Variants in SPATA18 observed in about 807,000 individuals in gnomAD.
SPATA18 encodes spermatogenesis associated 18.
Under a neutral mutation model 68.1 loss-of-function variants are expected in SPATA18, and 54 were observed. That is an observed-to-expected ratio of 0.79 (90% CI 0.64 to 0.99). The LOEUF (loss-of-function observed/expected upper bound fraction) is 0.99, where lower values mean the gene tolerates loss of function less well. SPATA18 is among the 50% of genes least tolerant of loss of function. The pLI is 0.00. For missense variants in SPATA18, 724 were observed against 681.1 expected (o/e 1.06, Z -0.70); for synonymous variants, 242 against 244.8 (o/e 0.99, Z 0.11).
In SPATA18 at chr4:52,078,850, T is replaced by C. The variant is rs201466029; in HGVS notation, c.1136T>C (p.Val379Ala). ...NDFENAVLDY[V>A]ICHLDLYDSQ... ...TTTGAGAATGCTGTCTTGGATTATG[T>C]CATTTGTCATCTTGATCTATATGAT... Residue 379 changes from valine (V) to alanine (A), a missense_variant, in exon 8 of 13, where the codon GTC (valine) becomes GCC (alanine). Coordinates refer to ENST00000295213, the MANE Select transcript of SPATA18 (RefSeq NM_145263.4). 7 of 1,605,794 alleles carry C rather than the reference T, an allele frequency of 4.4e-6. No homozygotes were observed. The highest frequency in any genetic ancestry group is 5.1e-6 in the Non-Finnish European group (6 of 1,173,186).
At chr4:52,062,532 T>G (rs1179270991) in intron 4 of SPATA18, among the ~76,000 whole-genome samples, 200 bp downstream of exon 4, 1 of 151,962 alleles carries the variant, frequency 6.6e-6, no homozygotes, top group Non-Finnish European at 1.5e-5. Context: ...CAGTGGTCAG[T>G]GTCTGTGGAT....
At chr4:52,068,333 C>A (rs1243749945) in intron 4 of SPATA18, among the ~76,000 whole-genome samples, 1 of 152,068 alleles carries the variant, frequency 6.6e-6, no homozygotes, top group Non-Finnish European at 1.5e-5. Context: ...TCATTCATTT[C>A]TCATTTAAAA....
intron 5 of SPATA18, among the ~76,000 whole-genome samples, chr4:52,070,873 G>C (rs923062910): frequency 7.7e-6 from 1 of 130,546 alleles, no homozygotes; most frequent in Non-Finnish European, 1.6e-5. Flanking sequence ...CCTCCCAAAA[G>C]AGTAAGTGGG....
chr4:52,089,126 A>T (rs1741714668), intron 11 of SPATA18, among the ~76,000 whole-genome samples: 1 of 151,742 alleles, frequency 6.6e-6, no homozygotes, highest in Admixed American at 6.6e-5. Flanking sequence ...ATCAGTGATG[A>T]TACCCCTCTT....
At chr4:52,087,348 A>G (rs760053525) in intron 11 of SPATA18, among the ~76,000 whole-genome samples, 1 of 152,120 alleles carries the variant, frequency 6.6e-6, no homozygotes, top group Non-Finnish European at 1.5e-5. Context: ...GCCCATGCCT[A>G]TGTCCTGAAT....
intron 7 of SPATA18, among the ~76,000 whole-genome samples, chr4:52,077,560 T>C (rs1359112763): frequency 6.6e-6 from 1 of 152,114 alleles, no homozygotes; most frequent in Non-Finnish European, 1.5e-5. Context: ...GGCATTTGTT[T>C]AAGAAGTATC....
chr4:52,068,870 AT>A (rs200279551), intron 4 of SPATA18, among the ~76,000 whole-genome samples: 1 of 147,802 alleles, frequency 6.8e-6, no homozygotes, highest in Non-Finnish European at 1.5e-5. Context: ...TCTCACTTCC[AT>A]TTTTTTTTTG....
At chr4:52,064,108 C>T (rs529419855) in intron 4 of SPATA18, among the ~76,000 whole-genome samples, 1 of 151,866 alleles carries the variant, frequency 6.6e-6, no homozygotes, top group Admixed American at 6.6e-5. Context: ...GCTAGAATAG[C>T]GCTAAACATT....
intron 9 of SPATA18, among the ~76,000 whole-genome samples, chr4:52,081,291 T>C (rs981514369): frequency 5.3e-5 from 8 of 152,346 alleles, no homozygotes; most frequent in African/African-American, 1.9e-4. Flanking sequence ...TGCCTGGACA[T>C]CTGTGCAGCT....
At chr4:52,085,090 A>G in intron 11 of SPATA18, 91 bp downstream of exon 11, 1 of 1,003,102 alleles carries the variant, frequency 1.0e-6, no homozygotes, top group Non-Finnish European at 1.5e-6. Context: ...AGGTGATTAT[A>G]AGTCTACAGG....
intron 9 of SPATA18, among the ~76,000 whole-genome samples, chr4:52,080,479 C>T (rs17657806): frequency 0.18 from 26,619 of 151,984 alleles, 2,639 homozygotes; most frequent in East Asian, 0.4. Context: ...TAAATATTCC[C>T]CTTATAAATT....
Position 52,051,499 on chromosome 4 carries a change from C to G in SPATA18, c.-206C>G. 1 of 555,354 alleles carries G rather than the reference C, an allele frequency of 1.8e-6. No homozygotes were observed. Among genetic ancestry groups the G allele is most frequent in the Non-Finnish European group, 3.2e-6 (1 of 312,436 alleles). 34.4% of individuals were successfully genotyped at this position (555,354 alleles called of 1,614,324 possible). A position where few individuals can be genotyped will look rare whatever the true frequency, so the allele number is the denominator to read the frequency against. On this transcript the variant is annotated 5_prime_UTR_variant, in exon 1 of 13. Coordinates refer to ENST00000295213, the MANE Select transcript of SPATA18 (RefSeq NM_145263.4). ...GCGCGGGACGGCGGATGAGGCGCGG[C>G]GGCTGCGGCCCAGGGCACCTCCCCT...
chr4:52,071,693 T>G (rs1295718659), intron 5 of SPATA18, among the ~76,000 whole-genome samples: 1 of 152,152 alleles, frequency 6.6e-6, no homozygotes, highest in East Asian at 1.9e-4. Context: ...CTTTTCCCCA[T>G]GCAAGCTGCA....
chr4:52,087,309 G>A (rs1431380986), intron 11 of SPATA18, among the ~76,000 whole-genome samples: 1 of 152,090 alleles, frequency 6.6e-6, no homozygotes, highest in African/African-American at 2.4e-5. Flanking sequence ...TGTTACCATT[G>A]CTTTTGGTGT....
At chr4:52,091,359 A>G (rs1025938148) in intron 11 of SPATA18, among the ~76,000 whole-genome samples, 1 of 151,996 alleles carries the variant, frequency 6.6e-6, no homozygotes, top group Admixed American at 6.6e-5. Flanking sequence ...CCTTTGGAGG[A>G]GGAAAGGTGT....
In SPATA18 at chr4:52,051,334, C is replaced by G. The variant is rs1737845502; in HGVS notation, c.-371C>G. 2 of 200,230 alleles carry G rather than the reference C, an allele frequency of 1.0e-5. No individual in the cohort carries two copies. The highest frequency in any genetic ancestry group is 2.0e-5 in the Non-Finnish European group (2 of 101,548). The allele number at this position is 200,230 out of a possible 1,614,324, so 12.4% of individuals were successfully genotyped here. A position where few individuals can be genotyped will look rare whatever the true frequency, so the allele number is the denominator to read the frequency against. On this transcript the variant is annotated 5_prime_UTR_variant, in exon 1 of 13. Coordinates refer to ENST00000295213, the MANE Select transcript of SPATA18 (RefSeq NM_145263.4). ...ACCCCTGGGGCGCGCGGCTGTCACC[C>G]AGGGCGGGGCGGCGCGGGCGTTGCC...
intron 11 of SPATA18, among the ~76,000 whole-genome samples, chr4:52,090,716 G>A (rs1741863567): frequency 6.6e-6 from 1 of 151,998 alleles, no homozygotes; most frequent in Non-Finnish European, 1.5e-5. Context: ...GCTGCCCTTG[G>A]CATTTTTTCT....
chr4:52,086,043 C>A (rs1187713532), intron 11 of SPATA18, among the ~76,000 whole-genome samples: 1 of 152,186 alleles, frequency 6.6e-6, no homozygotes, highest in African/African-American at 2.4e-5. Flanking sequence ...ACCAAATAGG[C>A]TAACAATGTG....
intron 11 of SPATA18, among the ~76,000 whole-genome samples, chr4:52,092,996 G>A (rs1423101555): frequency 1.3e-5 from 2 of 152,134 alleles, no homozygotes; most frequent in Non-Finnish European, 2.9e-5. Context: ...ACCAGAGAGT[G>A]GATGGTGGGA....
Sources: gnomAD v4.1 joint callset for allele counts (sites outside exome capture counted in the v4.1 genomes callset) on GRCh38, gnomAD v4.1.1 for gene constraint, MANE v1.5 for transcripts, NCBI Gene and HGNC (gene_info 2026-07-23, HGNC 2026-07-21) for gene names.